FMN1: variants seen among roughly 807,000 people sequenced by gnomAD.
FMN1 encodes formin-1.
In FMN1, 110 loss-of-function variants were observed where a neutral mutation model predicts 132.4. The observed-to-expected ratio is 0.83, with a 90% CI of 0.71 to 0.97. The LOEUF (loss-of-function observed/expected upper bound fraction) is 0.97, where lower values mean the gene tolerates loss of function less well. Among genes scored for constraint, FMN1 ranks in the 50% least tolerant of loss-of-function variants. FMN1 has a pLI of 0.00. For missense variants in FMN1, 1,792 were observed against 1,705.3 expected (o/e 1.05, Z -0.90); for synonymous variants, 722 against 651.7 (o/e 1.11, Z -1.64).
chr15:33,136,460 T>C (rs995008906), intron 4 of FMN1, among the ~76,000 whole-genome samples: 1 of 152,192 alleles, frequency 6.6e-6, no homozygotes, highest in Non-Finnish European at 1.5e-5. Flanking sequence ...AATAGGACTA[T>C]GGAATAGTTC....
intron 17 of FMN1, among the ~76,000 whole-genome samples, chr15:32,810,617 T>C (rs1328400489): frequency 6.6e-6 from 1 of 152,174 alleles, no homozygotes; most frequent in Non-Finnish European, 1.5e-5. Context: ...CATTTAAATG[T>C]ACCCAAATAA....
chr15:32,998,160 A>G (rs544825680), intron 7 of FMN1, among the ~76,000 whole-genome samples: 15 of 152,338 alleles, frequency 9.8e-5, no homozygotes, highest in Middle Eastern at 3.4e-3. Context: ...ATTGTGCTCA[A>G]TGAATAAACG....
intron 4 of FMN1, among the ~76,000 whole-genome samples, chr15:33,112,369 G>A (rs1475770240): frequency 6.6e-6 from 1 of 152,068 alleles, no homozygotes; most frequent in Admixed American, 6.6e-5. Flanking sequence ...GAGTTGAGGT[G>A]GTTGGATTAT....
At chr15:32,891,324 T>C (rs1487237906) in intron 15 of FMN1, among the ~76,000 whole-genome samples, 3 of 152,210 alleles carry the variant, frequency 2.0e-5, no homozygotes, top group Non-Finnish European at 4.4e-5. Context: ...GTTGGCTCAT[T>C]GCAGGCTCTA....
At chr15:32,920,558 T>A (rs1026526742) in intron 10 of FMN1, among the ~76,000 whole-genome samples, 1 of 152,218 alleles carries the variant, frequency 6.6e-6, no homozygotes, top group Non-Finnish European at 1.5e-5. Context: ...CCTAGCCCTA[T>A]CCGCTTACCA....
chr15:32,886,118 T>G (rs2059890442), intron 16 of FMN1, among the ~76,000 whole-genome samples: 1 of 152,170 alleles, frequency 6.6e-6, no homozygotes, highest in African/African-American at 2.4e-5. Context: ...CAGATGGTAT[T>G]TAGAAGAAAA....
intron 17 of FMN1, among the ~76,000 whole-genome samples, chr15:32,818,430 G>C (rs1003886900): frequency 8.5e-5 from 13 of 152,250 alleles, no homozygotes; most frequent in African/African-American, 3.1e-4. Context: ...GATCTTGTAG[G>C]AAAGAAGTGT....
intron 7 of FMN1, among the ~76,000 whole-genome samples, chr15:32,988,785 T>C (rs1227396136): frequency 2.1e-5 from 2 of 95,930 alleles, no homozygotes; most frequent in African/African-American, 7.5e-5. Context: ...ATTGAGAAAG[T>C]TGAGAACCAT....
intron 7 of FMN1, among the ~76,000 whole-genome samples, chr15:33,005,213 A>T: frequency 6.6e-6 from 1 of 151,788 alleles, no homozygotes; most frequent in Non-Finnish European, 1.5e-5. Context: ...AAAAAAAACT[A>T]CAGCTAAGTG....
chr15:32,880,057 T>G lies in FMN1; in HGVS notation c.3835+8115A>C, dbSNP rs140260043. On this transcript the variant is annotated intron_variant, in intron 16 of 20. Transcript: ENST00000616417. The stretch of plus-strand genomic sequence containing the variant: ...GTCTCTAACAAGCTTCTATTGTTTT[T>G]TTTTTATTTTTCTCTTTATCAACTA... Among the ~76,000 whole-genome samples the G allele has an allele frequency of 1.3e-3, 204 of 152,108 alleles. 1 individual carries two copies. The highest frequency in any genetic ancestry group is 2.3e-3 in the Admixed American group (35 of 15,282).
chr15:32,912,397 A>T (rs1427101257), intron 10 of FMN1, among the ~76,000 whole-genome samples: 1 of 152,326 alleles, frequency 6.6e-6, no homozygotes, highest in Non-Finnish European at 1.5e-5. Flanking sequence ...CCAGCCCTTG[A>T]ATAAGTATTT....
At chr15:32,857,689 G>A (rs573819418) in intron 16 of FMN1, among the ~76,000 whole-genome samples, 9 of 152,046 alleles carry the variant, frequency 5.9e-5, no homozygotes, top group Non-Finnish European at 8.8e-5. Context: ...ACTAACACAA[G>A]GGAAATAATT....
At chr15:32,856,540 C>T (rs1420819148) in intron 17 of FMN1, among the ~76,000 whole-genome samples, 3 of 152,218 alleles carry the variant, frequency 2.0e-5, no homozygotes, top group Non-Finnish European at 4.4e-5. Context: ...GGGTGACATT[C>T]ACTTGGCCCT....
intron 4 of FMN1, chr15:33,151,033 G>T: frequency 8.5e-7 from 1 of 1,174,186 alleles, no homozygotes; most frequent in Non-Finnish European, 1.1e-6. Context: ...GGGCTTCCCA[G>T]CTGCAGGGAG....
At chr15:33,080,176 T>A (rs937002925) in intron 5 of FMN1, among the ~76,000 whole-genome samples, 3 of 152,254 alleles carry the variant, frequency 2.0e-5, no homozygotes, top group African/African-American at 7.2e-5. Context: ...AGGGGTAGAC[T>A]CTTTCATTGG....
chr15:33,120,443 G>A (rs1962442005), intron 4 of FMN1, among the ~76,000 whole-genome samples: 3 of 152,192 alleles, frequency 2.0e-5, no homozygotes, highest in East Asian at 1.9e-4. Context: ...ACACCGGCAG[G>A]GAAGACATGT....
chr15:32,926,079 G>T, intron 10 of FMN1, 95 bp downstream of exon 10: 1 of 712,136 alleles, frequency 1.4e-6, no homozygotes, highest in Non-Finnish European at 2.4e-6. Flanking sequence ...GGATTCATTA[G>T]GGCATTCTAA....
intron 15 of FMN1, among the ~76,000 whole-genome samples, chr15:32,892,506 G>T (rs77100292): frequency 6.6e-6 from 1 of 152,088 alleles, no homozygotes; most frequent in South Asian, 2.1e-4. Context: ...CAAGGATATC[G>T]GTCTGTAGTT....
intron 9 of FMN1, among the ~76,000 whole-genome samples, chr15:32,926,519 A>C (rs1450554329): frequency 2.0e-5 from 3 of 152,252 alleles, no homozygotes; most frequent in Non-Finnish European, 4.4e-5. Context: ...TTTATATGTT[A>C]CTGTGATCAT....
Sources: allele counts gnomAD v4.1 joint callset (sites outside exome capture counted in the v4.1 genomes callset), GRCh38; gene constraint gnomAD v4.1.1; transcripts MANE v1.5; gene names NCBI Gene and HGNC (gene_info 2026-07-23, HGNC 2026-07-21).